RPL19: variants seen among roughly 807,000 people sequenced by gnomAD.
RPL19 encodes the protein ribosomal protein L19, also known as large ribosomal subunit protein eL19.
In RPL19, 2 loss-of-function variants were observed where a neutral mutation model predicts 25.1. The ratio of observed to expected loss-of-function variants is 0.08; its 90% CI spans 0.03 to 0.25. The LOEUF (loss-of-function observed/expected upper bound fraction) is 0.25. Ranked by LOEUF, RPL19 falls within the 10% of genes least tolerant of loss-of-function variation. RPL19 has a pLI of 1.00. For synonymous variants in RPL19, 89 were observed against 91.2 expected (o/e 0.98, Z 0.14); for missense variants, 123 against 271.8 (o/e 0.45, Z 3.85).
At position 39,204,504 on chromosome 17, in the gene RPL19, T is replaced by G. The variant is rs1370613064; in HGVS notation, c.468-21T>G. ...TCTCATCTCTTCCCAAACTGACCCG[T>G]CTTTTCTCTTCCCTGACCAGTGACC... is the stretch of plus-strand genomic sequence containing the variant. On this transcript the variant is annotated intron_variant, in intron 5 of 5. Transcript: ENST00000225430. 1.9e-6 allele frequency: 3 copies of G among 1,613,786 alleles called. No individual in the cohort carries two copies. The South Asian group carries it at 3.3e-5, about 18-fold the overall frequency.
intron 1 of RPL19, 68 bp downstream of exon 1, chr17:39,200,417 C>A: frequency 6.9e-7 from 1 of 1,454,774 alleles, no homozygotes. Context: ...CTTGGGACCG[C>A]AGCTGGGGTT....
At chr17:39,201,032 T>C (rs920782420) in intron 1 of RPL19, 181 bp from the exon 2 acceptor site, 8 of 553,228 alleles carry the variant, frequency 1.4e-5, no homozygotes, top group Non-Finnish European at 2.2e-5. Context: ...AGGCATAGCG[T>C]GGGTTTTGAA....
intron 3 of RPL19, 105 bp downstream of exon 3, chr17:39,202,544 T>G: frequency 7.2e-7 from 1 of 1,392,246 alleles, no homozygotes; most frequent in Non-Finnish European, 1.0e-6. Flanking sequence ...TGTTTCTTAC[T>G]CCTTGATATT....
rs557578994 is a variant in RPL19 at position 39,204,146 on chromosome 17, C to T, written c.426C>T (p.Ile142=). 203 of 1,613,370 alleles carry T rather than the reference C, an allele frequency of 1.3e-4. No individual in the cohort carries two copies. Among genetic ancestry groups the T allele is most frequent in the Admixed American group, 9.0e-4 (54 of 60,014 alleles). ...FKNKRILMEH[I]HKLKADKARK... is the part of the protein sequence containing the mutation. ...ACAAGCGGATTCTCATGGAACACAT[C>T]CACAAGCTGAAGGCAGACAAGGCCC... The change falls in exon 5 of 6, where the codon ATC becomes ATT. Residue 142 remains isoleucine, a synonymous_variant. Transcript: ENST00000225430.
In RPL19 at chr17:39,204,620, T is replaced by C. The variant is rs776271358; in HGVS notation, c.563T>C (p.Leu188Ser). Residue 188 changes from leucine to serine, a missense_variant, in exon 6 of 6, where the codon TTA (leucine) becomes TCA (serine). Transcript: ENST00000225430. ...AAGAAGGAGGAGATCATCAAGACTTTATCCAAGGAGGAAGAGACCAAGAAA... is the reference window on the plus strand; with the variant it reads ...AAGAAGGAGGAGATCATCAAGACTTCATCCAAGGAGGAAGAGACCAAGAAA... ...QAKKEEIIKT[L>S]SKEEETKK is the part of the protein sequence containing the mutation. 1.9e-6 allele frequency: 3 copies of C among 1,614,186 alleles called. No individual in the cohort carries two copies. The highest frequency in any genetic ancestry group is 2.5e-6 in the Non-Finnish European group (3 of 1,180,024).
intron 4 of RPL19, 142 bp from the exon 5 acceptor site, chr17:39,203,935 C>T: frequency 1.7e-6 from 1 of 594,364 alleles, no homozygotes; most frequent in Non-Finnish European, 3.1e-6. Context: ...ACAAAAAAGT[C>T]ATGGTTTAGG....
chr17:39,203,668 C>T (rs2046305686), intron 4 of RPL19, among the ~76,000 whole-genome samples: 1 of 151,740 alleles, frequency 6.6e-6, no homozygotes, highest in African/African-American at 2.4e-5. Flanking sequence ...ACTACCACGC[C>T]TGGCTAATTT....
Position 39,204,185 on chromosome 17 carries a change from G to T in RPL19, c.465G>T (p.Leu155=), listed in dbSNP as rs754331405. Residue 155 remains leucine (L), a splice_region_variant and synonymous_variant, in exon 5 of 6, where the codon CTG becomes CTT. Transcript: ENST00000225430. ...CAGACAAGGCCCGCAAGAAGCTCCT[G>T]GCGTAAGTTTCTTTTCAGAGTCTTA... The part of the protein sequence containing the change: ...LKADKARKKL[L]ADQAEARRSK... 1.9e-6 allele frequency: 3 copies of T among 1,589,076 alleles called. No individual in the cohort carries two copies. The South Asian group carries it at 3.3e-5, about 18-fold the overall frequency.
At chr17:39,200,449 G>A in intron 1 of RPL19, 100 bp downstream of exon 1, 3 of 1,282,974 alleles carry the variant, frequency 2.3e-6, no homozygotes, top group South Asian at 3.7e-5. Flanking sequence ...AATGGAGGCC[G>A]CCCTAAAGCG....
At chr17:39,200,454 AAAGCGGCCG>A in intron 1 of RPL19, 105 bp downstream of exon 1, 5 of 1,339,490 alleles carry the variant, frequency 3.7e-6, no homozygotes, top group Non-Finnish European at 4.8e-6. Context: ...AGGCCGCCCT[AAAGCGGCCG>A]GTCCCGGGGT....
In RPL19 at chr17:39,201,237, C is replaced by T. The variant is rs1214111315; in HGVS notation, c.30C>T (p.Leu10=). 3.7e-6 allele frequency: 6 copies of T among 1,611,784 alleles called. No individual in the cohort carries two copies. The highest frequency in any genetic ancestry group is 1.1e-5 in the South Asian group (1 of 90,916). ...GTATGCTCAGGCTTCAGAAGAGGCTCGCCTCTAGTGTCCTCCGCTGTGGCA... is the reference window on the plus strand; with the variant it reads ...GTATGCTCAGGCTTCAGAAGAGGCTTGCCTCTAGTGTCCTCCGCTGTGGCA... The part of the protein sequence containing the change: MSMLRLQKR[L]ASSVLRCGKK... Residue 10 remains leucine, a synonymous_variant, in exon 2 of 6, where the codon CTC becomes CTT. Coordinates refer to ENST00000225430, the MANE Select transcript of RPL19 (RefSeq NM_000981.4).
chr17:39,200,749 C>CAG (rs2046280851), intron 1 of RPL19: 5 of 1,052,492 alleles, frequency 4.8e-6, no homozygotes, highest in Non-Finnish European at 5.7e-6. Context: ...GAGAGGTGAT[C>CAG]TCTAACTCTT....
intron 2 of RPL19, among the ~76,000 whole-genome samples, chr17:39,201,837 G>T (rs1299421046): frequency 6.6e-6 from 1 of 152,194 alleles, no homozygotes; most frequent in East Asian, 1.9e-4. Context: ...CTCCCAGAGT[G>T]CTGGGATTAT....
At chr17:39,203,863 T>C (rs2046307320) in intron 4 of RPL19, among the ~76,000 whole-genome samples, 1 of 152,224 alleles carries the variant, frequency 6.6e-6, no homozygotes, top group Non-Finnish European at 1.5e-5. Context: ...TTTTTTTCCC[T>C]GTATGTCATC....
chr17:39,202,756 C>G (rs3025214), intron 3 of RPL19: 3 of 455,404 alleles, frequency 6.6e-6, no homozygotes, highest in Non-Finnish European at 1.2e-5. Context: ...CACCCACATT[C>G]TGCATGAAGT....
At chr17:39,202,570 C>A in intron 3 of RPL19, 131 bp downstream of exon 3, 2 of 1,198,916 alleles carry the variant, frequency 1.7e-6, no homozygotes, top group Non-Finnish European at 1.2e-6. Flanking sequence ...TGTTTTCTGC[C>A]TGTGTGCAAA....
At chr17:39,202,955 G>C in intron 3 of RPL19, 34 bp from the exon 4 acceptor site, 2 of 1,613,252 alleles carry the variant, frequency 1.2e-6, no homozygotes, top group Non-Finnish European at 1.7e-6. Flanking sequence ...GTGGGCCTGG[G>C]TAGTGGCCCG....
rs774175330 is a variant in RPL19 at position 39,200,344 on chromosome 17, C to G, written c.-1C>G. Reference sequence around the variant, plus strand: ...TTCCTTTCGCTGCTGCGGCCGCAGCCATGAGGTGAGGGCGAGCTGGTCTCC... The same window carrying G: ...TTCCTTTCGCTGCTGCGGCCGCAGCGATGAGGTGAGGGCGAGCTGGTCTCC... On this transcript the variant is annotated 5_prime_UTR_variant, in exon 1 of 6. Coordinates refer to ENST00000225430, the MANE Select transcript of RPL19 (RefSeq NM_000981.4). 1.3e-6 allele frequency: 2 copies of G among 1,565,960 alleles called. No homozygotes were observed. Among genetic ancestry groups the G allele is most frequent in the East Asian group, 2.4e-5 (1 of 42,292 alleles).
At chr17:39,201,013 G>A (rs1161392367) in intron 1 of RPL19, 200 bp from the exon 2 acceptor site, 1 of 520,960 alleles carries the variant, frequency 1.9e-6, no homozygotes, top group Non-Finnish European at 3.4e-6. Context: ...ATGAGGCTCC[G>A]AGAGGTGAAG....
Sources: gnomAD v4.1 joint callset for allele counts (sites outside exome capture counted in the v4.1 genomes callset) on GRCh38, gnomAD v4.1.1 for gene constraint, MANE v1.5 for transcripts, NCBI Gene and HGNC (gene_info 2026-07-23, HGNC 2026-07-21) for gene names.